Variants in DRC8 observed in about 807,000 individuals in gnomAD.
The protein encoded by DRC8 is dynein regulatory complex protein 8.
the DRC8 span, among the ~76,000 whole-genome samples, chr1:245,019,134 A>G: frequency 1.3e-5 from 2 of 152,226 alleles, no homozygotes; most frequent in Non-Finnish European, 2.9e-5. Context: ...TTCCATTGAA[A>G]GTTAAAATAA....
the DRC8 span, among the ~76,000 whole-genome samples, chr1:245,050,073 A>T: frequency 2.6e-5 from 4 of 152,152 alleles, no homozygotes; most frequent in African/African-American, 9.7e-5. Flanking sequence ...CATCACATCC[A>T]TGCAGATCAT....
the DRC8 span, among the ~76,000 whole-genome samples, chr1:245,061,149 C>A: frequency 1.3e-5 from 2 of 152,218 alleles, no homozygotes; most frequent in East Asian, 1.9e-4. Flanking sequence ...AGCCATGTGG[C>A]CTTCAATGAG....
the DRC8 span, among the ~76,000 whole-genome samples, chr1:244,982,890 C>T: frequency 6.6e-6 from 1 of 151,858 alleles, no homozygotes; most frequent in African/African-American, 2.4e-5. Flanking sequence ...TGGTGAAACC[C>T]TGTCTGTACT....
the DRC8 span, among the ~76,000 whole-genome samples, chr1:245,049,185 A>G: frequency 6.6e-6 from 1 of 152,120 alleles, no homozygotes; most frequent in African/African-American, 2.4e-5. The surrounding 1 kb of genome is among the most constrained non-coding windows in gnomAD (Gnocchi z 4.5). Context: ...AAGTTTTGCC[A>G]TGTGGGCCAG....
chr1:244,997,168 G>T, the DRC8 span, among the ~76,000 whole-genome samples: 1 of 152,126 alleles, frequency 6.6e-6, no homozygotes, highest in Admixed American at 6.6e-5. Flanking sequence ...TGTACAGAGG[G>T]CTGATTGTGT....
chr1:245,110,896 G>A, the DRC8 span, among the ~76,000 whole-genome samples: 6 of 152,170 alleles, frequency 3.9e-5, no homozygotes, highest in Admixed American at 3.9e-4. Context: ...TGTGGTTATA[G>A]TGTGGACTTA....
At chr1:245,095,570 C>T in the DRC8 span, among the ~76,000 whole-genome samples, 1 of 152,138 alleles carries the variant, frequency 6.6e-6, no homozygotes, top group South Asian at 2.1e-4. Context: ...CACTGTGTCA[C>T]CCTGGCTGGA....
the DRC8 span, among the ~76,000 whole-genome samples, chr1:245,090,755 G>C: frequency 6.6e-6 from 1 of 151,726 alleles, no homozygotes; most frequent in Non-Finnish European, 1.5e-5. Context: ...TCATGGCCTA[G>C]AGAGGTAGGA....
the DRC8 span, among the ~76,000 whole-genome samples, chr1:245,076,491 T>C: frequency 1.3e-5 from 2 of 152,208 alleles, no homozygotes; most frequent in Non-Finnish European, 2.9e-5. Context: ...CTGTAGAACA[T>C]CTGTTTTTTA....
At chr1:245,058,001 C>T in the DRC8 span, among the ~76,000 whole-genome samples, 1 of 152,078 alleles carries the variant, frequency 6.6e-6, no homozygotes, top group South Asian at 2.1e-4. Context: ...TCCCTGAGAC[C>T]AACTTATTTA....
chr1:245,112,422 A>G, the DRC8 span, among the ~76,000 whole-genome samples: 1 of 152,194 alleles, frequency 6.6e-6, no homozygotes, highest in Non-Finnish European at 1.5e-5. Flanking sequence ...TTTCATTTAA[A>G]GTTACCTTTA....
chr1:245,068,306 A>C, the DRC8 span, among the ~76,000 whole-genome samples: 9 of 152,204 alleles, frequency 5.9e-5, no homozygotes, highest in Non-Finnish European at 1.0e-4. Context: ...GATTACAAAA[A>C]ATTTTAAATA....
At chr1:245,042,840 A>C in the DRC8 span, among the ~76,000 whole-genome samples, 1 of 152,126 alleles carries the variant, frequency 6.6e-6, no homozygotes, top group Non-Finnish European at 1.5e-5. Flanking sequence ...GCTCAATGGC[A>C]CTGGCTCCCC....
At chr1:245,074,659 C>T in the DRC8 span, among the ~76,000 whole-genome samples, 1 of 152,220 alleles carries the variant, frequency 6.6e-6, no homozygotes, top group African/African-American at 2.4e-5. Flanking sequence ...GAATTTATAA[C>T]CCAGAAGACT....
chr1:244,975,986 T>C, the DRC8 span, among the ~76,000 whole-genome samples: 1 of 151,976 alleles, frequency 6.6e-6, no homozygotes, highest in African/African-American at 2.4e-5. Flanking sequence ...ACATAAGAGT[T>C]GGCCAGGCGT....
At chr1:244,986,328 A>AT in the DRC8 span, among the ~76,000 whole-genome samples, 1 of 152,148 alleles carries the variant, frequency 6.6e-6, no homozygotes, top group Non-Finnish European at 1.5e-5. Context: ...CTAGTAACAG[A>AT]TGGAACTGCG....
chr1:245,012,814 T>C, the DRC8 span, among the ~76,000 whole-genome samples: 1 of 152,228 alleles, frequency 6.6e-6, no homozygotes, highest in African/African-American at 2.4e-5. Context: ...GGTATTTCAT[T>C]TGGAATTTCT....
the DRC8 span, among the ~76,000 whole-genome samples, chr1:245,013,710 AATTAG>A: frequency 2.0e-5 from 3 of 152,162 alleles, no homozygotes; most frequent in South Asian, 6.2e-4. Flanking sequence ...CTGAGTGAGA[AATTAG>A]ATTAGAGAAC....
chr1:245,100,465 A>G, the DRC8 span, among the ~76,000 whole-genome samples: 1 of 151,610 alleles, frequency 6.6e-6, no homozygotes, highest in East Asian at 2.0e-4. Flanking sequence ...TTTCCCGTAA[A>G]TGAATAAATG....
Sources: gnomAD v4.1 joint callset for allele counts (sites outside exome capture counted in the v4.1 genomes callset) on GRCh38, gnomAD v4.1.1 for gene constraint, Gnocchi (gnomAD v3.1) non-coding constraint, MANE v1.5 for transcripts, NCBI Gene and HGNC (gene_info 2026-07-23, HGNC 2026-07-21) for gene names.